GRIA1: variants seen among roughly 807,000 people sequenced by gnomAD.
The protein encoded by GRIA1 is glutamate ionotropic receptor AMPA type subunit 1.
A neutral mutation model predicts 99.2 loss-of-function variants in GRIA1; 31 were observed. The observed-to-expected ratio is 0.31, with a 90% CI of 0.23 to 0.42. GRIA1 has a LOEUF of 0.42. Among genes scored for constraint, GRIA1 ranks in the 10% least tolerant of loss-of-function variants. The pLI, the probability that GRIA1 is intolerant of heterozygous loss-of-function variation, is 1.00. For synonymous variants in GRIA1, 438 were observed against 432.4 expected (o/e 1.01, Z -0.16); for missense variants, 782 against 1,157.5 (o/e 0.68, Z 4.71).
At chr5:153,510,951 G>T (rs1451768938) in intron 2 of GRIA1, among the ~76,000 whole-genome samples, 1 of 152,162 alleles carries the variant, frequency 6.6e-6, no homozygotes, top group Non-Finnish European at 1.5e-5. Context: ...ATGAGGGAAG[G>T]TTGCATGGTT....
At chr5:153,645,927 C>T (rs1435641943) in intron 2 of GRIA1, among the ~76,000 whole-genome samples, 1 of 152,172 alleles carries the variant, frequency 6.6e-6, no homozygotes, top group Non-Finnish European at 1.5e-5. Context: ...AATGACTTTC[C>T]TCACCATCCA....
intron 11 of GRIA1, among the ~76,000 whole-genome samples, chr5:153,710,069 G>A (rs1480315830): frequency 3.3e-5 from 5 of 152,090 alleles, no homozygotes; most frequent in African/African-American, 1.2e-4. Flanking sequence ...CCTTTGAAAT[G>A]TATATTCAAT....
intron 2 of GRIA1, among the ~76,000 whole-genome samples, chr5:153,579,892 CAAACAAAA>C (rs1367328861): frequency 7.3e-6 from 1 of 136,932 alleles, no homozygotes. Flanking sequence ...AACAAACAAA[CAAACAAAA>C]AAAAAAAAAC....
At chr5:153,681,460 G>A (rs748844009) in intron 7 of GRIA1, among the ~76,000 whole-genome samples, 4 of 152,146 alleles carry the variant, frequency 2.6e-5, no homozygotes, top group Non-Finnish European at 5.9e-5. Context: ...GAGTAAATTG[G>A]GTTTTGGAGG....
chr5:153,580,630 A>G (rs1230165871), intron 2 of GRIA1, among the ~76,000 whole-genome samples: 1 of 152,200 alleles, frequency 6.6e-6, no homozygotes, highest in Non-Finnish European at 1.5e-5. Context: ...GGATGAGAAG[A>G]TACTTTGTAT....
At chr5:153,516,366 G>C (rs1426869745) in intron 2 of GRIA1, among the ~76,000 whole-genome samples, 1 of 151,494 alleles carries the variant, frequency 6.6e-6, no homozygotes, top group Non-Finnish European at 1.5e-5. Flanking sequence ...TAAAAGAAAT[G>C]CTCCCCATTT....
At chr5:153,789,879 ATATTGT>A (rs1338454593) in intron 13 of GRIA1, among the ~76,000 whole-genome samples, 2 of 141,626 alleles carry the variant, frequency 1.4e-5, no homozygotes, top group African/African-American at 2.6e-5. Context: ...AATCATAATA[ATATTGT>A]TGTTGTTGTT....
intron 8 of GRIA1, among the ~76,000 whole-genome samples, chr5:153,697,676 G>T (rs544423396): frequency 6.6e-6 from 1 of 152,196 alleles, no homozygotes; most frequent in African/African-American, 2.4e-5. Context: ...GAAGTGCAGG[G>T]TTAGTAGACA....
chr5:153,580,250 C>T (rs1209705318), intron 2 of GRIA1, among the ~76,000 whole-genome samples: 1 of 152,184 alleles, frequency 6.6e-6, no homozygotes, highest in Non-Finnish European at 1.5e-5. Flanking sequence ...TTTTTCTTTG[C>T]AATGGAAGGG....
At chr5:153,587,746 G>A (rs1493389) in intron 2 of GRIA1, among the ~76,000 whole-genome samples, 7,893 of 152,246 alleles carry the variant, frequency 0.052, 281 homozygotes, top group Non-Finnish European at 0.076. Flanking sequence ...CAGGCAATGT[G>A]GTAGGCTCAG....
intron 5 of GRIA1, among the ~76,000 whole-genome samples, chr5:153,656,398 T>A (rs1209776326): frequency 3.7e-4 from 54 of 145,858 alleles, no homozygotes; most frequent in African/African-American, 6.0e-4. Context: ...TATATATATA[T>A]ATATATATAT....
rs5872330 is a variant in GRIA1, at chr5:153,650,764, T to TA, written c.645+262dup. ...AACTCCAATGTATCCCTCTATTGTT[T>TA]AAAAAAAAAAAATGCTGGATGCAGT... On this transcript the variant is annotated intron_variant, in intron 4 of 15. Coordinates refer to ENST00000285900, the MANE Select transcript of GRIA1 (RefSeq NM_000827.4). Among the ~76,000 whole-genome samples, 120 of 147,888 alleles carry TA rather than the reference T, an allele frequency of 8.1e-4. 1 individual carries two copies. In the South Asian group the frequency reaches 0.011, roughly 14 times the overall value.
intron 11 of GRIA1, among the ~76,000 whole-genome samples, chr5:153,720,763 T>C: frequency 6.6e-6 from 1 of 152,200 alleles, no homozygotes; most frequent in Non-Finnish European, 1.5e-5. Flanking sequence ...GGTTTCACAC[T>C]TCGAATGATC....
chr5:153,607,066 T>TATAC (rs1554102881), intron 2 of GRIA1, among the ~76,000 whole-genome samples: 1 of 146,454 alleles, frequency 6.8e-6, no homozygotes, highest in Non-Finnish European at 1.5e-5. Flanking sequence ...TATATATATA[T>TATAC]ATAATCACAG....
intron 2 of GRIA1, among the ~76,000 whole-genome samples, chr5:153,534,537 T>C (rs1305341740): frequency 6.6e-6 from 1 of 152,196 alleles, no homozygotes; most frequent in Non-Finnish European, 1.5e-5. Flanking sequence ...CCTCCAGTCA[T>C]GGGATGGATA....
At chr5:153,631,146 G>T (rs1752934434) in intron 2 of GRIA1, among the ~76,000 whole-genome samples, 1 of 152,196 alleles carries the variant, frequency 6.6e-6, no homozygotes, top group Non-Finnish European at 1.5e-5. Context: ...ATGAGAAAGA[G>T]GCTGTGCCCT....
chr5:153,539,628 AC>A (rs1758885050), intron 2 of GRIA1, among the ~76,000 whole-genome samples: 1 of 152,150 alleles, frequency 6.6e-6, no homozygotes, highest in African/African-American at 2.4e-5. Context: ...ATTCCTTTAA[AC>A]CCAAGTTTCT....
intron 12 of GRIA1, among the ~76,000 whole-genome samples, chr5:153,767,586 G>A (rs973203850): frequency 3.3e-5 from 5 of 152,172 alleles, no homozygotes; most frequent in African/African-American, 1.2e-4. Flanking sequence ...CCCACCAGGA[G>A]TTTGGTGGGT....
chr5:153,611,215 T>A (rs1401683476), intron 2 of GRIA1, among the ~76,000 whole-genome samples: 2 of 152,216 alleles, frequency 1.3e-5, no homozygotes, highest in Non-Finnish European at 2.9e-5. Flanking sequence ...AATTATTAAA[T>A]ATATGGAGCC....
Sources: gnomAD v4.1 joint callset for allele counts (sites outside exome capture counted in the v4.1 genomes callset) on GRCh38, gnomAD v4.1.1 for gene constraint, MANE v1.5 for transcripts, NCBI Gene and HGNC (gene_info 2026-07-23, HGNC 2026-07-21) for gene names.